The following ARSG variants were observed in gnomAD, a reference collection of about 807,000 sequenced individuals.
The protein encoded by ARSG is arylsulfatase G, also known as ASG.
ARSG carries 37 observed loss-of-function variants against 50.5 expected under a neutral mutation model. That is an observed-to-expected ratio of 0.73 (90% CI 0.56 to 0.96). The LOEUF is 0.96. Among genes scored for constraint, ARSG ranks in the 50% least tolerant of loss-of-function variants. ARSG has a pLI of 0.00. For synonymous variants in ARSG, 225 were observed against 254.6 expected (o/e 0.88, Z 1.11); for missense variants, 629 against 675.3 (o/e 0.93, Z 0.76).
At chr17:68,361,521 C>T (rs2079285059) in intron 6 of ARSG, among the ~76,000 whole-genome samples, 1 of 151,746 alleles carries the variant, frequency 6.6e-6, no homozygotes, top group African/African-American at 2.4e-5. Flanking sequence ...CAAGACCAGT[C>T]TGCACAACAT....
chr17:68,323,391 GAGAA>G (rs2145882798), intron 2 of ARSG, among the ~76,000 whole-genome samples: 1 of 145,270 alleles, frequency 6.9e-6, no homozygotes, highest in East Asian at 1.9e-4. Flanking sequence ...ATGAGAGAGA[GAGAA>G]AGAACCCTCT....
At chr17:68,439,333 A>G in the ARSG span, among the ~76,000 whole-genome samples, 1 of 152,218 alleles carries the variant, frequency 6.6e-6, no homozygotes, top group Non-Finnish European at 1.5e-5. Context: ...TACAACACAG[A>G]AGAACCTTGG....
the ARSG span, among the ~76,000 whole-genome samples, chr17:68,443,721 C>T: frequency 2.0e-5 from 3 of 152,090 alleles, no homozygotes; most frequent in Non-Finnish European, 1.5e-5. Flanking sequence ...AGCAGTTGTT[C>T]AATGATACTA....
chr17:68,412,594 G>C (rs1416094525), intron 11 of ARSG, among the ~76,000 whole-genome samples: 1 of 152,066 alleles, frequency 6.6e-6, no homozygotes, highest in Non-Finnish European at 1.5e-5. Flanking sequence ...TGACAATTAT[G>C]TGTCTTGGAG....
At chr17:68,415,710 G>C (rs145114944) in intron 11 of ARSG, among the ~76,000 whole-genome samples, 1 of 152,084 alleles carries the variant, frequency 6.6e-6, no homozygotes, top group African/African-American at 2.4e-5. Flanking sequence ...CCAGTGTTAG[G>C]AGCATATATG....
chr17:68,436,610 C>A, the ARSG span: 2 of 724,522 alleles, frequency 2.8e-6, no homozygotes, highest in Non-Finnish European at 4.5e-6. Context: ...TTGCAGACAA[C>A]TGCTTTCCGC....
At position 68,323,215 on chromosome 17, in the gene ARSG, A is replaced by G. The variant is rs2077365141; in HGVS notation, c.218+15504A>G. 4.6e-5 allele frequency among the ~76,000 whole-genome samples: 7 copies of G among 152,222 alleles called. No individual in the cohort carries two copies. The South Asian group carries it at 1.5e-3, about 32-fold the overall frequency. ...CTCATTTGATCCTTGCAGGGATTTT[A>G]TAAGATTAGCATTATTATCCTCACT... On this transcript the variant is annotated intron_variant, in intron 2 of 11. Transcript: ENST00000621439.
chr17:68,288,310 CT>C (rs1599570247), upstream of ARSG, among the ~76,000 whole-genome samples: 1 of 152,084 alleles, frequency 6.6e-6, no homozygotes, highest in African/African-American at 2.4e-5. Context: ...TTCTCCTTTT[CT>C]TTTTTTCCAT....
chr17:68,420,281 G>A lies in ARSG; in HGVS notation c.1396G>A (p.Val466Met). 1 of 1,614,148 alleles carries A rather than the reference G, an allele frequency of 6.2e-7. No individual in the cohort carries two copies. Among genetic ancestry groups the A allele is most frequent in the Non-Finnish European group, 8.5e-7 (1 of 1,180,034 alleles). The change falls in exon 12 of 12, where the codon GTG becomes ATG. Residue 466 changes from valine to methionine, a missense_variant. Physicochemically the swap from Val to Met is conservative, Grantham distance 21. Coordinates refer to ENST00000621439, the MANE Select transcript of ARSG (RefSeq NM_001267727.2). ...FNLEDDTAEA[V>M]PLERGGAEYQ... ...CCTGGAAGACGATACCGCAGAAGCTGTGCCCCTAGAAAGAGGTGGTGCGGA... is the reference window on the plus strand; with the variant it reads ...CCTGGAAGACGATACCGCAGAAGCTATGCCCCTAGAAAGAGGTGGTGCGGA...
At chr17:68,274,784 CTTT>C (rs11342192) in intron 1 of ARSG, among the ~76,000 whole-genome samples, 4 of 143,246 alleles carry the variant, frequency 2.8e-5, no homozygotes, top group Admixed American at 6.9e-5. Flanking sequence ...TAGTTTCTTT[CTTT>C]TTTTTTTTTT....
At chr17:68,351,835 G>T in intron 5 of ARSG, 149 bp downstream of exon 5, 1 of 620,188 alleles carries the variant, frequency 1.6e-6, no homozygotes, top group East Asian at 2.7e-5. Context: ...ATTTAAATGT[G>T]TTATTTGCAG....
At chr17:68,297,125 A>G (rs1318863374) in intron 1 of ARSG, among the ~76,000 whole-genome samples, 1 of 152,170 alleles carries the variant, frequency 6.6e-6, no homozygotes, top group Non-Finnish European at 1.5e-5. Flanking sequence ...TTGCTTGAGC[A>G]CCTAGCTAGC....
the ARSG span, among the ~76,000 whole-genome samples, chr17:68,442,345 G>A: frequency 6.6e-6 from 1 of 151,704 alleles, no homozygotes; most frequent in African/African-American, 2.4e-5. Context: ...GGCACCTGTA[G>A]TCCCAGCTAC....
rs1048415229 is a variant in ARSG at position 68,404,269 on chromosome 17, T to C, written c.1303+2819T>C. ...AAATGGTATTTCTAGTTCGAGATCC[T>C]TGAGGAATCGCCACACTGTCTTCCT... On this transcript the variant is annotated intron_variant, in intron 11 of 11. Coordinates refer to ENST00000621439, the MANE Select transcript of ARSG (RefSeq NM_001267727.2). Among the ~76,000 whole-genome samples, 49 of 152,274 alleles carry C rather than the reference T, an allele frequency of 3.2e-4. No homozygotes were observed. In the South Asian group the frequency reaches 9.7e-3, roughly 30 times the overall value.
chr17:68,278,617 C>CTTTTT (rs56870988), intron 1 of ARSG, among the ~76,000 whole-genome samples: 1 of 111,980 alleles, frequency 8.9e-6, no homozygotes, highest in Non-Finnish European at 1.7e-5. Flanking sequence ...TTTCTTTTTC[C>CTTTTT]TTTTTTTTTT....
chr17:68,339,853 G>A (rs2078189546), intron 2 of ARSG, among the ~76,000 whole-genome samples: 1 of 152,114 alleles, frequency 6.6e-6, no homozygotes, highest in Admixed American at 6.6e-5. Flanking sequence ...TTATAAGGTG[G>A]GGATCGCCAG....
chr17:68,334,046 C>T (rs956080055), intron 2 of ARSG, among the ~76,000 whole-genome samples: 5 of 152,202 alleles, frequency 3.3e-5, no homozygotes, highest in Middle Eastern at 3.4e-3. Context: ...AAGAGCTGGC[C>T]GGGGTGGCGC....
At chr17:68,309,435 A>C (rs2076756346) in intron 2 of ARSG, among the ~76,000 whole-genome samples, 1 of 152,222 alleles carries the variant, frequency 6.6e-6, no homozygotes, top group Admixed American at 6.5e-5. Context: ...AGAGCGAGCG[A>C]GGGCTGTGAG....
At chr17:68,311,360 C>T (rs1344689216) in intron 2 of ARSG, among the ~76,000 whole-genome samples, 4 of 152,156 alleles carry the variant, frequency 2.6e-5, no homozygotes, top group Non-Finnish European at 5.9e-5. Context: ...TCGTGGATGC[C>T]TCGGGTGTTC....
Sources: allele counts gnomAD v4.1 joint callset (sites outside exome capture counted in the v4.1 genomes callset), GRCh38; gene constraint gnomAD v4.1.1; transcripts MANE v1.5; gene names NCBI Gene and HGNC (gene_info 2026-07-23, HGNC 2026-07-21).